Variants in KIAA0319L observed in about 807,000 individuals in gnomAD.
KIAA0319L encodes dyslexia-associated protein KIAA0319-like protein.
In KIAA0319L, 55 loss-of-function variants were observed where a neutral mutation model predicts 120.1. The observed-to-expected ratio is 0.46, with a 90% CI of 0.37 to 0.57. The LOEUF (loss-of-function observed/expected upper bound fraction) is 0.57. Ranked by LOEUF, KIAA0319L falls within the 20% of genes least tolerant of loss-of-function variation. The probability of loss-of-function intolerance (pLI) is 0.00; values close to 1 mark genes in which losing one functional copy is unlikely to be tolerated. For missense variants in KIAA0319L, 1,049 were observed against 1,255.3 expected, an observed-to-expected ratio of 0.84 and a Z score of 2.48; for synonymous variants, 398 against 471.9, an observed-to-expected ratio of 0.84 and a Z score of 2.03.
At chr1:35,490,059 G>C (rs181624305) in intron 3 of KIAA0319L, among the ~76,000 whole-genome samples, 6 of 152,212 alleles carry the variant, frequency 3.9e-5, no homozygotes, top group Admixed American at 3.9e-4. Flanking sequence ...CTCCCAGGCT[G>C]AAGCAATCCT....
rs916733261 is a variant in KIAA0319L, at chr1:35,472,946, G to T, written c.1015+1859C>A. On this transcript the variant is annotated intron_variant, in intron 5 of 20. Transcript: ENST00000325722. ...TGGGATTACAGGCGCCCACCATCAC[G>T]CCTGGCTTACTTTTAGTAGAGATGG... 3.3e-4 allele frequency among the ~76,000 whole-genome samples: 49 copies of T among 146,560 alleles called. 1 individual carries two copies. Among genetic ancestry groups the T allele is most frequent in the Non-Finnish European group, 7.5e-5 (5 of 66,626 alleles).
At chr1:35,465,737 C>T (rs1276888226) in intron 7 of KIAA0319L, among the ~76,000 whole-genome samples, 1 of 152,132 alleles carries the variant, frequency 6.6e-6, no homozygotes, top group Non-Finnish European at 1.5e-5. Context: ...TCCCACAATT[C>T]CCACGTGTTG....
intron 2 of KIAA0319L, among the ~76,000 whole-genome samples, chr1:35,518,963 G>A (rs1182839212): frequency 7.5e-6 from 1 of 134,208 alleles, no homozygotes; most frequent in African/African-American, 2.8e-5. Context: ...AAGATCAAGA[G>A]CAAGACTCTG....
intron 2 of KIAA0319L, among the ~76,000 whole-genome samples, chr1:35,524,343 C>G (rs1334480695): frequency 3.9e-5 from 6 of 152,164 alleles, no homozygotes; most frequent in Admixed American, 3.3e-4. Context: ...ATGGTTCCCT[C>G]AAGAATGTCA....
chr1:35,484,909 T>G (rs1377349162), intron 3 of KIAA0319L, among the ~76,000 whole-genome samples: 3 of 148,620 alleles, frequency 2.0e-5, no homozygotes, highest in Non-Finnish European at 4.5e-5. Flanking sequence ...CACCCACTAA[T>G]GTGTCATCTA....
chr1:35,517,197 T>C (rs1351199606), intron 2 of KIAA0319L, among the ~76,000 whole-genome samples: 1 of 152,004 alleles, frequency 6.6e-6, no homozygotes, highest in Non-Finnish European at 1.5e-5. Flanking sequence ...TTCACAGAAC[T>C]AGAAAAAAAA....
chr1:35,453,487 A>G lies in KIAA0319L; in HGVS notation c.1913+70T>C. 1 of 1,485,076 alleles carries G rather than the reference A, an allele frequency of 6.7e-7. No homozygotes were observed. The highest frequency in any genetic ancestry group is 1.2e-5 in the South Asian group (1 of 84,168). 92.0% of individuals were successfully genotyped at this position (1,485,076 alleles called of 1,614,324 possible). A position where few individuals can be genotyped will look rare whatever the true frequency, so the allele number is the denominator to read the frequency against. On this transcript the variant is annotated intron_variant, in intron 12 of 20. Transcript: ENST00000325722. The surrounding 1 kb of genome is among the most constrained non-coding windows in gnomAD (Gnocchi z 4.1). The stretch of plus-strand genomic sequence containing the variant: ...CAATAAGAGCAACTCAACTCATAAT[A>G]GCAAATAAAACCTTGCTCTTCCAAG...
intron 19 of KIAA0319L, 107 bp from the exon 20 acceptor site, chr1:35,441,245 A>G: frequency 1.1e-6 from 1 of 882,934 alleles, no homozygotes; most frequent in Non-Finnish European, 1.9e-6. Context: ...GCACCTACTG[A>G]GAGGGGTGTC....
chr1:35,466,736 G>T, intron 6 of KIAA0319L, 41 bp from the exon 7 acceptor site: 1 of 1,311,132 alleles, frequency 7.6e-7, no homozygotes, highest in African/African-American at 1.4e-5. Context: ...ATCACAAAGA[G>T]CAGGAATTAC....
chr1:35,505,821 T>C (rs1324077143), intron 3 of KIAA0319L, among the ~76,000 whole-genome samples: 2 of 152,222 alleles, frequency 1.3e-5, no homozygotes, highest in Non-Finnish European at 2.9e-5. Flanking sequence ...TAATGCCTAC[T>C]TGGAAATATT....
chr1:35,513,288 A>T (rs201794950), intron 2 of KIAA0319L, among the ~76,000 whole-genome samples: 4,264 of 85,108 alleles, frequency 0.05, 202 homozygotes, highest in African/African-American at 0.12. Context: ...ATATATATAT[A>T]TTTTTTTTTT....
At chr1:35,463,319 C>T (rs897638652) in intron 7 of KIAA0319L, among the ~76,000 whole-genome samples, 2 of 152,200 alleles carry the variant, frequency 1.3e-5, no homozygotes, top group African/African-American at 4.8e-5. Context: ...TGCTCATGTG[C>T]TATCTAGTTG....
At position 35,506,051 on chromosome 1, in the gene KIAA0319L, AACTCTACTGGTG is replaced by A. The variant is rs1645192636; in HGVS notation, c.666+549_666+560del. 6.6e-6 allele frequency among the ~76,000 whole-genome samples: 1 copy of A among 152,208 alleles called. No homozygotes were observed. The highest frequency in any genetic ancestry group is 2.1e-4 in the South Asian group (1 of 4,834). ...ATGAAGAAACATAATAAGCAGAATA[AACTCTACTGGTG>A]GTATCTCCCTTGGCATATACAGCTT... On this transcript the variant is annotated intron_variant, in intron 3 of 20. Transcript: ENST00000325722. The surrounding 1 kb of genome is among the most constrained non-coding windows in gnomAD (Gnocchi z 4.0).
chr1:35,541,883 C>T (rs971574425), intron 2 of KIAA0319L, among the ~76,000 whole-genome samples: 2 of 152,160 alleles, frequency 1.3e-5, no homozygotes, highest in Admixed American at 6.5e-5. Flanking sequence ...AAACAAGTGG[C>T]CCATCATGCT....
chr1:35,482,876 A>G (rs12089162), intron 3 of KIAA0319L, among the ~76,000 whole-genome samples: 4,060 of 152,274 alleles, frequency 0.027, 217 homozygotes, highest in East Asian at 0.24. Context: ...TACCACCACC[A>G]GTGTATTTCA....
intron 2 of KIAA0319L, among the ~76,000 whole-genome samples, chr1:35,513,288 ATTTTT>A (rs67198806): frequency 2.8e-3 from 243 of 85,294 alleles, no homozygotes; most frequent in African/African-American, 3.8e-3. Flanking sequence ...ATATATATAT[ATTTTT>A]TTTTTTTTTT....
At chr1:35,517,551 C>CA (rs1463175181) in intron 2 of KIAA0319L, among the ~76,000 whole-genome samples, 17 of 152,126 alleles carry the variant, frequency 1.1e-4, no homozygotes. Flanking sequence ...ATACCATATA[C>CA]AAAAATCAAA....
chr1:35,537,385 C>CTT (rs138689877), intron 2 of KIAA0319L, among the ~76,000 whole-genome samples: 347 of 126,782 alleles, frequency 2.7e-3, no homozygotes, highest in African/African-American at 8.4e-3. Flanking sequence ...CTTTCCTTTC[C>CTT]TTTTTTTTTT....
Position 35,479,230 on chromosome 1 carries a change from C to G in KIAA0319L, c.667-18G>C. 1 of 1,599,868 alleles carries G rather than the reference C, an allele frequency of 6.3e-7. No homozygotes were observed. The highest frequency in any genetic ancestry group is 2.2e-5 in the East Asian group (1 of 44,732). ...TTGTGGACCTAAAGAAATAAAAAAA[C>G]TAATTTGAGTAGGTAAAAGTTACAT... is the stretch of plus-strand genomic sequence containing the variant. On this transcript the variant is annotated intron_variant, in intron 3 of 20. Coordinates refer to ENST00000325722, the MANE Select transcript of KIAA0319L (RefSeq NM_024874.5).
Sources: allele counts gnomAD v4.1 joint callset (sites outside exome capture counted in the v4.1 genomes callset), GRCh38; gene constraint gnomAD v4.1.1; non-coding constraint Gnocchi (gnomAD v3.1); transcripts MANE v1.5; gene names NCBI Gene and HGNC (gene_info 2026-07-23, HGNC 2026-07-21).